The following TMC1 variants were observed in gnomAD, a reference collection of about 807,000 sequenced individuals.
TMC1 encodes the protein transmembrane channel like 1.
Under a neutral mutation model 105.8 loss-of-function variants are expected in TMC1, and 84 were observed. The ratio of observed to expected loss-of-function variants is 0.79; its 90% CI spans 0.67 to 0.95. TMC1 has a LOEUF of 0.95. Ranked by LOEUF, TMC1 falls within the 40% of genes least tolerant of loss-of-function variation. The pLI is 0.00. For synonymous variants in TMC1, 315 were observed against 311.5 expected (o/e 1.01, Z -0.12); for missense variants, 817 against 914.1 (o/e 0.89, Z 1.37).
chr9:72,834,678 C>G (rs1391444326), intron 23 of TMC1, among the ~76,000 whole-genome samples: 1 of 152,120 alleles, frequency 6.6e-6, no homozygotes, highest in Non-Finnish European at 1.5e-5. Flanking sequence ...CTGCGGCACT[C>G]CTTGTGGTCT....
At chr9:72,630,126 A>G (rs1343968591) in intron 4 of TMC1, among the ~76,000 whole-genome samples, 1 of 152,120 alleles carries the variant, frequency 6.6e-6, no homozygotes, top group East Asian at 1.9e-4. Flanking sequence ...TCAGCCTCCC[A>G]AAGTGCTGAG....
chr9:72,658,345 A>C (rs1825914935), intron 5 of TMC1, among the ~76,000 whole-genome samples: 1 of 152,138 alleles, frequency 6.6e-6, no homozygotes. Context: ...AAAAAAAAAA[A>C]AAACTATGGT....
intron 20 of TMC1, among the ~76,000 whole-genome samples, chr9:72,826,345 A>G (rs1828953934): frequency 6.6e-6 from 1 of 152,142 alleles, no homozygotes; most frequent in Non-Finnish European, 1.5e-5. Flanking sequence ...GAAAAAACCC[A>G]TGATTCGGTG....
rs147182537 is a variant in TMC1 at position 72,597,692 on chromosome 9, T to C, written c.-305-18676T>C. ...CCTTTGATGTATTTGGGAGCTGTGCTGTATGTGTTCTCTTTGGCTCCCCAG... is the reference window on the plus strand; with the variant it reads ...CCTTTGATGTATTTGGGAGCTGTGCCGTATGTGTTCTCTTTGGCTCCCCAG... On this transcript the variant is annotated intron_variant, in intron 2 of 23. Transcript: ENST00000297784. Among the ~76,000 whole-genome samples the C allele has an allele frequency of 2.6e-3, 396 of 152,344 alleles. 6 individuals carry two copies. The highest frequency in any genetic ancestry group is 8.9e-3 in the African/African-American group (371 of 41,584).
At chr9:72,562,728 A>G (rs978338062) in intron 1 of TMC1, among the ~76,000 whole-genome samples, 2 of 151,932 alleles carry the variant, frequency 1.3e-5, no homozygotes, top group East Asian at 3.9e-4. Context: ...AGTAAGAAAA[A>G]TCATAGCGAA....
chr9:72,729,075 C>G (rs976441432), intron 8 of TMC1, among the ~76,000 whole-genome samples: 2 of 151,990 alleles, frequency 1.3e-5, no homozygotes, highest in Non-Finnish European at 2.9e-5. Flanking sequence ...CATCCTGAGT[C>G]TGAAGAATTT....
At chr9:72,821,135 T>G in intron 20 of TMC1, 54 bp downstream of exon 20, 1 of 1,612,736 alleles carries the variant, frequency 6.2e-7, no homozygotes, top group Admixed American at 1.7e-5. Context: ...GGGGTGGAGG[T>G]GGGAATGGTC....
chr9:72,547,312 A>G (rs1823788670), intron 1 of TMC1, among the ~76,000 whole-genome samples: 1 of 151,790 alleles, frequency 6.6e-6, no homozygotes, highest in South Asian at 2.1e-4. Flanking sequence ...AATGGTTAAA[A>G]AGATGAAATA....
intron 3 of TMC1, among the ~76,000 whole-genome samples, chr9:72,626,638 G>A (rs1020614832): frequency 6.6e-6 from 1 of 152,192 alleles, no homozygotes; most frequent in Non-Finnish European, 1.5e-5. Flanking sequence ...AAAGAAGAGT[G>A]TTGTCCACAG....
At chr9:72,596,489 C>T (rs952556374) in intron 2 of TMC1, among the ~76,000 whole-genome samples, 2 of 112,532 alleles carry the variant, frequency 1.8e-5, no homozygotes, top group African/African-American at 7.0e-5. Context: ...ATTTGATGAA[C>T]AGAAATAATG....
chr9:72,536,240 A>G (rs1040483662), intron 1 of TMC1, among the ~76,000 whole-genome samples: 9 of 152,384 alleles, frequency 5.9e-5, no homozygotes, highest in Non-Finnish European at 1.2e-4. Flanking sequence ...CAATGGTTGT[A>G]CAGGCATTGA....
intron 2 of TMC1, among the ~76,000 whole-genome samples, chr9:72,598,222 C>T (rs557760478): frequency 1.4e-4 from 22 of 152,170 alleles, no homozygotes; most frequent in Admixed American, 7.9e-4. Flanking sequence ...TCAATCTCTG[C>T]TCTGGGAAAT....
chr9:72,792,353 G>A lies in TMC1; in HGVS notation c.1566+1G>A, dbSNP rs1387886173. On this transcript the variant is annotated splice_donor_variant, in intron 17 of 23. Transcript: ENST00000297784. LOFTEE classifies it high-confidence loss of function. ...TTGCTGGGAAACAATGGTGGGACAG[G>A]TAATGCCACCAACAGAAGTGTATGG... 2 of 1,614,042 alleles carry A rather than the reference G, an allele frequency of 1.2e-6. No homozygotes were observed. The highest frequency in any genetic ancestry group is 1.7e-5 in the Admixed American group (1 of 60,012).
intron 8 of TMC1, among the ~76,000 whole-genome samples, chr9:72,739,378 A>C (rs1342485082): frequency 2.0e-5 from 3 of 152,230 alleles, no homozygotes; most frequent in African/African-American, 7.2e-5. Context: ...AAAAACATTC[A>C]GTCTATAACA....
chr9:72,801,110 A>G (rs936335085), intron 17 of TMC1, among the ~76,000 whole-genome samples: 1 of 152,112 alleles, frequency 6.6e-6, no homozygotes, highest in Non-Finnish European at 1.5e-5. Flanking sequence ...CAAGGATGCT[A>G]TGAGACTCAA....
At chr9:72,680,812 G>T (rs1378520017) in intron 5 of TMC1, among the ~76,000 whole-genome samples, 2 of 152,112 alleles carry the variant, frequency 1.3e-5, no homozygotes, top group South Asian at 2.1e-4. Context: ...CAAAAGCAGT[G>T]CTACAAAGGA....
At position 72,816,751 on chromosome 9, in the gene TMC1, T is replaced by C. The variant is rs75218179; in HGVS notation, c.1763+541T>C. Among the ~76,000 whole-genome samples, 40 of 152,286 alleles carry C rather than the reference T, an allele frequency of 2.6e-4. No homozygotes were observed. In the East Asian group the frequency reaches 6.2e-3, roughly 24 times the overall value. ...ACTTGTTTTATAGGGCCATGGCACA[T>C]CAGAATTATTTTTTTTGATGTGTGA... On this transcript the variant is annotated intron_variant, in intron 19 of 23. Transcript: ENST00000297784.
chr9:72,789,426 A>G (rs1202331224), intron 15 of TMC1, 109 bp downstream of exon 15: 4 of 1,044,844 alleles, frequency 3.8e-6, no homozygotes, highest in Non-Finnish European at 5.9e-6. Flanking sequence ...CCTATCCCCT[A>G]TCCTGCCCTT....
chr9:72,792,325 A>G lies in TMC1; in HGVS notation c.1539A>G (p.Gly513=), dbSNP rs1223250748. The change falls in exon 17 of 24, where the codon GGA becomes GGG. Residue 513 remains glycine, a synonymous_variant. Coordinates refer to ENST00000297784, the MANE Select transcript of TMC1 (RefSeq NM_138691.3). ...FFVHPADVPR[G]PCWETMVGQE... Reference sequence around the variant, plus strand: ...TTCACCCTGCAGATGTACCTCGAGGACCTTGCTGGGAAACAATGGTGGGAC... The same window carrying G: ...TTCACCCTGCAGATGTACCTCGAGGGCCTTGCTGGGAAACAATGGTGGGAC... 3 of 1,614,148 alleles carry G rather than the reference A, an allele frequency of 1.9e-6. No individual in the cohort carries two copies. The highest frequency in any genetic ancestry group is 1.7e-6 in the Non-Finnish European group (2 of 1,180,006).
Sources: gnomAD v4.1 joint callset for allele counts (sites outside exome capture counted in the v4.1 genomes callset) on GRCh38, gnomAD v4.1.1 for gene constraint, MANE v1.5 for transcripts, NCBI Gene and HGNC (gene_info 2026-07-23, HGNC 2026-07-21) for gene names.